NIPBL: variants seen among roughly 807,000 people sequenced by gnomAD.
NIPBL encodes the protein nipped-B-like protein.
NIPBL carries 19 observed loss-of-function variants against 321.8 expected under a neutral mutation model. The ratio of observed to expected loss-of-function variants is 0.06; its 90% CI spans 0.04 to 0.09. The LOEUF is 0.09. Among genes scored for constraint, NIPBL ranks in the 10% least tolerant of loss-of-function variants. The probability of loss-of-function intolerance (pLI) is 1.00; values close to 1 mark genes in which losing one functional copy is unlikely to be tolerated. For synonymous variants in NIPBL, 1,106 were observed against 1,114.1 expected (o/e 0.99, Z 0.14); for missense variants, 2,210 against 3,327.0 (o/e 0.66, Z 8.26).
At chr5:36,881,479 C>G (rs1372783062) in intron 1 of NIPBL, among the ~76,000 whole-genome samples, 1 of 151,778 alleles carries the variant, frequency 6.6e-6, no homozygotes, top group Non-Finnish European at 1.5e-5. Flanking sequence ...AAGTCTGTCC[C>G]CATAATATCT....
intron 1 of NIPBL, 103 bp downstream of exon 1, chr5:36,877,281 C>T (rs916466202): frequency 6.2e-6 from 1 of 160,006 alleles, no homozygotes; most frequent in African/African-American, 2.4e-5. Context: ...CCTTAGCGGC[C>T]CCAGGTCTCT....
Position 37,026,271 on chromosome 5 carries a change from A to T in NIPBL, c.5752A>T (p.Thr1918Ser), listed in dbSNP as rs199639172. 1 of 1,612,196 alleles carries T rather than the reference A, an allele frequency of 6.2e-7. No homozygotes were observed. Among genetic ancestry groups the T allele is most frequent in the Admixed American group, 1.7e-5 (1 of 59,968 alleles). The change falls in exon 31 of 47, where the codon ACT becomes TCT. Residue 1918 changes from threonine (T) to serine (S), a missense_variant. Around this residue, in one of 14 missense-constraint regions of NIPBL, gnomAD observed 69 missense variants for 100.8 expected, o/e 0.68. Coordinates refer to ENST00000282516, the MANE Select transcript of NIPBL (RefSeq NM_133433.4). ...ATTCCAGAAACTCTGGTTTACTCCAACTCCACACAATGACAAAGAAGCAAT... is the reference window on the plus strand; with the variant it reads ...ATTCCAGAAACTCTGGTTTACTCCATCTCCACACAATGACAAAGAAGCAAT... ...ETFQKLWFTP[T>S]PHNDKEAMTR...
At position 37,065,458 on chromosome 5, in the gene NIPBL, T is replaced by C. The variant is rs981122610; in HGVS notation, c.*566T>C. 4 of 152,754 alleles carry C rather than the reference T, an allele frequency of 2.6e-5. No individual in the cohort carries two copies. The highest frequency in any genetic ancestry group is 9.6e-5 in the African/African-American group (4 of 41,456). The allele number at this position is 152,754 out of a possible 1,614,324, so 9.5% of individuals were successfully genotyped here. On this transcript the variant is annotated 3_prime_UTR_variant, in exon 47 of 47. Coordinates refer to ENST00000282516, the MANE Select transcript of NIPBL (RefSeq NM_133433.4). ...TACAAGAAAAGGGATCCCCAGGTAA[T>C]CTGGTGGAGCGAATACTGCAATAAA...
chr5:36,914,665 G>C (rs550802595), intron 1 of NIPBL, among the ~76,000 whole-genome samples: 2 of 152,254 alleles, frequency 1.3e-5, no homozygotes, highest in Non-Finnish European at 2.9e-5. Context: ...TTGAAAATCC[G>C]AAATTTGAAA....
chr5:36,945,194 TC>T (rs1366315442), intron 1 of NIPBL, among the ~76,000 whole-genome samples: 1 of 152,132 alleles, frequency 6.6e-6, no homozygotes, highest in Non-Finnish European at 1.5e-5. Flanking sequence ...ATAATCAAAT[TC>T]CAGGACACAG....
intron 1 of NIPBL, among the ~76,000 whole-genome samples, chr5:36,920,445 CTG>C (rs1377842006): frequency 2.0e-5 from 3 of 152,142 alleles, no homozygotes; most frequent in Non-Finnish European, 2.9e-5. Flanking sequence ...TGATATTTGA[CTG>C]TGTGAGTTTA....
At position 37,065,176 on chromosome 5, in the gene NIPBL, A is replaced by ATTC; in HGVS notation, c.*284_*285insTTC. ...AACTTTCTGTTTAAAAAAAATAAAC[A>ATTC]AGTGAATGTTGGAAATTAGTCTGTT... On this transcript the variant is annotated 3_prime_UTR_variant, in exon 47 of 47. Transcript: ENST00000282516. 2.3e-6 allele frequency: 1 copy of ATTC among 432,922 alleles called. No homozygotes were observed. Among genetic ancestry groups the ATTC allele is most frequent in the South Asian group, 2.4e-5 (1 of 41,608 alleles). 26.8% of individuals were successfully genotyped at this position (432,922 alleles called of 1,614,324 possible). A position where few individuals can be genotyped will look rare whatever the true frequency, so the allele number is the denominator to read the frequency against.
intron 9 of NIPBL, among the ~76,000 whole-genome samples, chr5:36,977,754 G>A (rs181731895): frequency 4.0e-5 from 6 of 151,716 alleles, no homozygotes; most frequent in African/African-American, 7.2e-5. Context: ...CCTTGGCTTC[G>A]TCCCTTTTTC....
intron 1 of NIPBL, among the ~76,000 whole-genome samples, chr5:36,930,437 AGTT>A (rs1749694699): frequency 6.6e-6 from 1 of 151,764 alleles, no homozygotes; most frequent in South Asian, 2.1e-4. Flanking sequence ...TTTTGATTCT[AGTT>A]GTTCGTTGGT....
Position 37,000,388 on chromosome 5 carries a change from A to G in NIPBL, c.3320A>G (p.His1107Arg). ...TTGCTTCTAGCCTCTAGGAAACGACATAAAAAAGATGATGATAAAGCTTGG... is the reference window on the plus strand; with the variant it reads ...TTGCTTCTAGCCTCTAGGAAACGACGTAAAAAAGATGATGATAAAGCTTGG... ...DEAFESSRKR[H>R]KKDDDKAWEY... Residue 1107 changes from histidine to arginine, a missense_variant, in exon 12 of 47, where the codon CAT (histidine) becomes CGT (arginine). Around this residue, in one of 14 missense-constraint regions of NIPBL, gnomAD observed 381 missense variants for 642.3 expected, o/e 0.59. Coordinates refer to ENST00000282516, the MANE Select transcript of NIPBL (RefSeq NM_133433.4). 1 of 1,612,904 alleles carries G rather than the reference A, an allele frequency of 6.2e-7. No individual in the cohort carries two copies. The highest frequency in any genetic ancestry group is 8.5e-7 in the Non-Finnish European group (1 of 1,179,216).
intron 32 of NIPBL, among the ~76,000 whole-genome samples, chr5:37,031,609 A>G (rs969366203): frequency 3.9e-5 from 6 of 152,236 alleles, no homozygotes; most frequent in African/African-American, 1.2e-4. Context: ...AATACAGGCA[A>G]TGAAAAACAG....
intron 33 of NIPBL, 142 bp downstream of exon 33, chr5:37,036,629 A>G: frequency 6.5e-6 from 2 of 308,968 alleles, no homozygotes; most frequent in Non-Finnish European, 1.2e-5. Flanking sequence ...TTTTTGTTAT[A>G]TAGGTATCTG....
rs148806324 is a variant in NIPBL at position 36,887,943 on chromosome 5, C to T, written c.-80+10765C>T. On this transcript the variant is annotated intron_variant, in intron 1 of 46. Coordinates refer to ENST00000282516, the MANE Select transcript of NIPBL (RefSeq NM_133433.4). ...AGTAGGTTAATGTTTTCACTATCAA[C>T]TCATTTACCTAAACTAGAAATTTGG... is the stretch of plus-strand genomic sequence containing the variant. Among the ~76,000 whole-genome samples, 346 of 152,280 alleles carry T rather than the reference C, an allele frequency of 2.3e-3. 5 individuals carry two copies. In the East Asian group the frequency reaches 0.042, roughly 19 times the overall value.
chr5:36,918,531 G>C (rs1294745517), intron 1 of NIPBL, among the ~76,000 whole-genome samples: 1 of 152,030 alleles, frequency 6.6e-6, no homozygotes, highest in African/African-American at 2.4e-5. Context: ...TCTCCTGCCT[G>C]ATTGCCCTGG....
intron 23 of NIPBL, 51 bp from the exon 24 acceptor site, chr5:37,016,968 T>C: frequency 8.1e-7 from 1 of 1,240,136 alleles, no homozygotes; most frequent in Non-Finnish European, 1.1e-6. Flanking sequence ...AATTGCTATT[T>C]AAAATATATT....
chr5:36,951,966 C>G (rs543572211), intron 1 of NIPBL, among the ~76,000 whole-genome samples: 111 of 149,054 alleles, frequency 7.4e-4, no homozygotes, highest in Non-Finnish European at 1.4e-3. Context: ...AACCAGAATG[C>G]TAGCCTTTTG....
intron 7 of NIPBL, 48 bp from the exon 8 acceptor site, chr5:36,971,897 A>G: frequency 1.9e-6 from 3 of 1,568,350 alleles, no homozygotes; most frequent in Non-Finnish European, 2.6e-6. Flanking sequence ...AGATTTCTAT[A>G]AAGCCTCTCC....
rs189837072 is a variant in NIPBL, at chr5:37,038,370, C to T, written c.5972-232C>T. On this transcript the variant is annotated intron_variant, in intron 33 of 46. Transcript: ENST00000282516. ...CTTCCCAATTTCCATTAGTATAAAACTTGCCTTCTATAGAGAGCATGGCCT... is the reference window on the plus strand; with the variant it reads ...CTTCCCAATTTCCATTAGTATAAAATTTGCCTTCTATAGAGAGCATGGCCT... Among the ~76,000 whole-genome samples, 756 of 151,898 alleles carry T rather than the reference C, an allele frequency of 5.0e-3. 4 individuals are homozygous for T. The highest frequency in any genetic ancestry group is 0.014 in the African/African-American group (597 of 41,348).
intron 1 of NIPBL, among the ~76,000 whole-genome samples, chr5:36,932,480 TCTG>T (rs1233886577): frequency 6.6e-6 from 1 of 152,200 alleles, no homozygotes; most frequent in Non-Finnish European, 1.5e-5. Context: ...GTCTGTTTCA[TCTG>T]CTGTTAATAG....
Sources: gnomAD v4.1 joint callset for allele counts (sites outside exome capture counted in the v4.1 genomes callset) on GRCh38, gnomAD v4.1.1 for gene constraint, gnomAD v4.1.1 regional missense constraint, MANE v1.5 for transcripts, NCBI Gene and HGNC (gene_info 2026-07-23, HGNC 2026-07-21) for gene names.